DENR: variants seen among roughly 807,000 people sequenced by gnomAD.
The protein encoded by DENR is density regulated re-initiation and release factor.
DENR carries 6 observed loss-of-function variants against 30.6 expected under a neutral mutation model. The ratio of observed to expected loss-of-function variants is 0.20; its 90% CI spans 0.11 to 0.39. The LOEUF (loss-of-function observed/expected upper bound fraction) is 0.39, where lower values mean the gene tolerates loss of function less well. Among genes scored for constraint, DENR ranks in the 10% least tolerant of loss-of-function variants. DENR has a pLI of 1.00. For missense variants in DENR, 141 were observed against 230.9 expected (o/e 0.61, Z 2.52); for synonymous variants, 78 against 72.1 (o/e 1.08, Z -0.41).
At chr12:122,757,274 C>T (rs369704902) in intron 2 of DENR, among the ~76,000 whole-genome samples, 2 of 152,228 alleles carry the variant, frequency 1.3e-5, no homozygotes, top group Admixed American at 6.5e-5. Context: ...TTAGGAAACA[C>T]GTTTTAAGCA....
chr12:122,767,573 T>C lies in DENR; in HGVS notation c.381T>C (p.Tyr127=). The change falls in exon 6 of 8, where the codon TAT becomes TAC. Residue 127 remains tyrosine (Y), a synonymous_variant. Coordinates refer to ENST00000280557, the MANE Select transcript of DENR (RefSeq NM_003677.5). ...IAKIPRAKKK[Y]VTRVCGLATF... is the part of the protein sequence containing the mutation. Reference sequence around the variant, plus strand: ...AAATTCCCAGAGCAAAGAAGAAATATGTGACAAGAGTATGTGGCCTTGCAA... The same window carrying C: ...AAATTCCCAGAGCAAAGAAGAAATACGTGACAAGAGTATGTGGCCTTGCAA... 1 of 1,602,904 alleles carries C rather than the reference T, an allele frequency of 6.2e-7. No individual in the cohort carries two copies. Among genetic ancestry groups the C allele is most frequent in the Non-Finnish European group, 8.5e-7 (1 of 1,174,996 alleles).
intron 6 of DENR, chr12:122,768,008 T>G (rs1878891216): frequency 6.5e-6 from 1 of 154,636 alleles, no homozygotes; most frequent in African/African-American, 2.4e-5. Flanking sequence ...AGCCCCTTAG[T>G]TCCTGGAAGC....
Position 122,770,999 on chromosome 12 carries a change from C to A in DENR, c.*1921C>A, listed in dbSNP as rs1177999294. On this transcript the variant is annotated 3_prime_UTR_variant, in exon 8 of 8. Transcript: ENST00000280557. ...AGTTCTTAGCAAATGCAGTTACAAT[C>A]CATAGATAGCCAGCAGTGGATGTTA... The A allele has an allele frequency of 3.2e-5, 11 of 346,500 alleles. No homozygotes were observed. The highest frequency in any genetic ancestry group is 1.9e-4 in the African/African-American group (9 of 47,510). 21.5% of individuals were successfully genotyped at this position (346,500 alleles called of 1,614,324 possible). A position where few individuals can be genotyped will look rare whatever the true frequency, so the allele number is the denominator to read the frequency against.
chr12:122,756,031 T>C (rs1323152864), intron 2 of DENR, among the ~76,000 whole-genome samples: 2 of 152,208 alleles, frequency 1.3e-5, no homozygotes, highest in East Asian at 3.8e-4. Context: ...CTATAAACAA[T>C]TTTTACCTAG....
intron 5 of DENR, among the ~76,000 whole-genome samples, chr12:122,767,255 C>T (rs1382422213): frequency 6.6e-6 from 1 of 152,226 alleles, no homozygotes; most frequent in Non-Finnish European, 1.5e-5. Context: ...TAGACTGAGT[C>T]TCTGGAGGGC....
intron 2 of DENR, among the ~76,000 whole-genome samples, chr12:122,760,591 C>G (rs560161700): frequency 4.0e-4 from 61 of 152,206 alleles, no homozygotes; most frequent in African/African-American, 1.3e-3. Context: ...ATTAGCCGGG[C>G]GCGGTGGCGG....
Position 122,770,531 on chromosome 12 carries a change from C to T in DENR, c.*1453C>T. 1 of 397,868 alleles carries T rather than the reference C, an allele frequency of 2.5e-6. No individual in the cohort carries two copies. The allele number at this position is 397,868 out of a possible 1,614,324, so 24.6% of individuals were successfully genotyped here. A position where few individuals can be genotyped will look rare whatever the true frequency, so the allele number is the denominator to read the frequency against. On this transcript the variant is annotated 3_prime_UTR_variant, in exon 8 of 8. Coordinates refer to ENST00000280557, the MANE Select transcript of DENR (RefSeq NM_003677.5). ...TAACCAGTTAAAAGTACTGTACACC[C>T]ATGCTCAATATATAGTCCTGGAAAT...
intron 2 of DENR, among the ~76,000 whole-genome samples, chr12:122,760,205 G>A (rs1200145039): frequency 4.6e-5 from 7 of 152,224 alleles, no homozygotes; most frequent in Non-Finnish European, 8.8e-5. Flanking sequence ...CCAGATGCAA[G>A]TGGTTATGTA....
Position 122,770,593 on chromosome 12 carries a change from C to T in DENR, c.*1515C>T. The T allele has an allele frequency of 2.5e-6, 1 of 398,412 alleles. No individual in the cohort carries two copies. The highest frequency in any genetic ancestry group is 2.1e-5 in the African/African-American group (1 of 48,710). 24.7% of individuals were successfully genotyped at this position (398,412 alleles called of 1,614,324 possible). On this transcript the variant is annotated 3_prime_UTR_variant, in exon 8 of 8. Transcript: ENST00000280557. Reference sequence around the variant, plus strand: ...CATGTCTTCTCACAAGAGAAAATGACAGTTTTAATGATGTATTTGATGAAT... The same window carrying T: ...CATGTCTTCTCACAAGAGAAAATGATAGTTTTAATGATGTATTTGATGAAT...
chr12:122,765,703 G>C (rs889447555), intron 5 of DENR, among the ~76,000 whole-genome samples: 1 of 152,044 alleles, frequency 6.6e-6, no homozygotes, highest in African/African-American at 2.4e-5. Context: ...TCATACAAAG[G>C]GGCACATACT....
At position 122,769,403 on chromosome 12, in the gene DENR, T is replaced by A. The variant is rs1490256289; in HGVS notation, c.*325T>A. On this transcript the variant is annotated 3_prime_UTR_variant, in exon 8 of 8. Coordinates refer to ENST00000280557, the MANE Select transcript of DENR (RefSeq NM_003677.5). Reference sequence around the variant, plus strand: ...TTCTGTACAAGGCTGCTTGTTTTTTTATTGCCAAAGTCAAATAAACGGGAG... The same window carrying A: ...TTCTGTACAAGGCTGCTTGTTTTTTAATTGCCAAAGTCAAATAAACGGGAG... 4.3e-5 allele frequency: 42 copies of A among 987,874 alleles called. No individual in the cohort carries two copies. Among genetic ancestry groups the A allele is most frequent in the Non-Finnish European group, 4.9e-5 (41 of 831,428 alleles). The allele number at this position is 987,874 out of a possible 1,614,324, so 61.2% of individuals were successfully genotyped here.
At chr12:122,762,749 C>T in intron 3 of DENR, 96 bp from the exon 4 acceptor site, 3 of 772,238 alleles carry the variant, frequency 3.9e-6, no homozygotes, top group Non-Finnish European at 2.0e-6. Context: ...TTGTTTTATT[C>T]TTTGTATTAA....
Position 122,757,470 on chromosome 12 carries a change from A to G in DENR, c.106+3663A>G, listed in dbSNP as rs1878580443. Among the ~76,000 whole-genome samples, 2 of 152,240 alleles carry G rather than the reference A, an allele frequency of 1.3e-5. 1 individual carries two copies. The highest frequency in any genetic ancestry group is 4.1e-4 in the South Asian group (2 of 4,830). Reference sequence around the variant, plus strand: ...AACCAGTTCTACTTGGGAGAACTGAAAAAAGGGAAAGTTAAAGTATTGAGT... The same window carrying G: ...AACCAGTTCTACTTGGGAGAACTGAGAAAAGGGAAAGTTAAAGTATTGAGT... On this transcript the variant is annotated intron_variant, in intron 2 of 7. Coordinates refer to ENST00000280557, the MANE Select transcript of DENR (RefSeq NM_003677.5).
At chr12:122,761,829 A>G (rs1339236873) in intron 2 of DENR, among the ~76,000 whole-genome samples, 1 of 152,186 alleles carries the variant, frequency 6.6e-6, no homozygotes, top group Non-Finnish European at 1.5e-5. Context: ...GAAAAGAAAT[A>G]ACCAGTTTCC....
chr12:122,760,208 G>A (rs1190588030), intron 2 of DENR, among the ~76,000 whole-genome samples: 1 of 152,176 alleles, frequency 6.6e-6, no homozygotes, highest in African/African-American at 2.4e-5. Context: ...GATGCAAGTG[G>A]TTATGTACTC....
In DENR at chr12:122,764,428, T is replaced by G. The variant is rs1424331852; in HGVS notation, c.212-876T>G. Among the ~76,000 whole-genome samples the G allele has an allele frequency of 2.6e-5, 4 of 152,080 alleles. 1 individual carries two copies. Among genetic ancestry groups the G allele is most frequent in the African/African-American group, 4.8e-5 (2 of 41,410 alleles). On this transcript the variant is annotated intron_variant, in intron 4 of 7. Transcript: ENST00000280557. ...TCCTGGCTAACACGGTGAAACCCTG[T>G]CTTTACTAAAAATACAAAAAATTAG...
At chr12:122,765,201 G>A in intron 4 of DENR, 103 bp from the exon 5 acceptor site, 6 of 817,744 alleles carry the variant, frequency 7.3e-6, no homozygotes, top group Non-Finnish European at 1.2e-5. Flanking sequence ...CTCAGCTGTT[G>A]GTAAGATGCC....
At position 122,759,174 on chromosome 12, in the gene DENR, A is replaced by G. The variant is rs1292242659; in HGVS notation, c.107-3013A>G. Among the ~76,000 whole-genome samples, 4 of 152,152 alleles carry G rather than the reference A, an allele frequency of 2.6e-5. No individual in the cohort carries two copies. The East Asian group carries it at 7.7e-4, about 29-fold the overall frequency. On this transcript the variant is annotated intron_variant, in intron 2 of 7. Coordinates refer to ENST00000280557, the MANE Select transcript of DENR (RefSeq NM_003677.5). ...GCTTAATTAGATTCAAGTTAAACAG[A>G]TTTTGGCAAGAAAGTTTCGTGGATG...
intron 4 of DENR, among the ~76,000 whole-genome samples, chr12:122,764,990 C>G (rs951665924): frequency 1.3e-5 from 2 of 152,166 alleles, no homozygotes; most frequent in Non-Finnish European, 2.9e-5. Context: ...TAGATGTTAA[C>G]AAAATTAGTA....
Sources: allele counts gnomAD v4.1 joint callset (sites outside exome capture counted in the v4.1 genomes callset), GRCh38; gene constraint gnomAD v4.1.1; transcripts MANE v1.5; gene names NCBI Gene and HGNC (gene_info 2026-07-23, HGNC 2026-07-21).